Variants in LANCL1 observed in about 807,000 individuals in gnomAD.
The protein encoded by LANCL1 is glutathione S-transferase LANCL1.
Under a neutral mutation model 50.6 loss-of-function variants are expected in LANCL1, and 50 were observed. That is an observed-to-expected ratio of 0.99 (90% CI 0.79 to 1.25). The LOEUF (loss-of-function observed/expected upper bound fraction) is 1.25. Ranked by LOEUF, LANCL1 falls within the 50% of genes most tolerant of loss-of-function variation. The probability of loss-of-function intolerance (pLI) is 0.00; values close to 1 mark genes in which losing one functional copy is unlikely to be tolerated. For synonymous variants in LANCL1, 188 were observed against 178.6 expected (o/e 1.05, Z -0.42); for missense variants, 532 against 480.7 (o/e 1.11, Z -1.00).
intron 4 of LANCL1, among the ~76,000 whole-genome samples, chr2:210,444,983 C>T (rs1445224146): frequency 6.6e-6 from 1 of 151,584 alleles, no homozygotes; most frequent in Non-Finnish European, 1.5e-5. Flanking sequence ...AACGTTGGGG[C>T]CATAAGAAAA....
Position 210,431,987 on chromosome 2 carries a change from C to A in LANCL1, c.*2500G>T, listed in dbSNP as rs978241093. On this transcript the variant is annotated 3_prime_UTR_variant, in exon 10 of 10. Coordinates refer to ENST00000450366, the MANE Select transcript of LANCL1 (RefSeq NM_006055.3). ...CTTTGAAGGTTTTATTACCTAGTCCCTGTATAGAGATAAGAGATGATGGTA... is the reference window on the plus strand; with the variant it reads ...CTTTGAAGGTTTTATTACCTAGTCCATGTATAGAGATAAGAGATGATGGTA... 1 of 152,110 alleles carries A rather than the reference C, an allele frequency of 6.6e-6. No individual in the cohort carries two copies. Among genetic ancestry groups the A allele is most frequent in the African/African-American group, 2.4e-5 (1 of 41,416 alleles). 9.4% of individuals were successfully genotyped at this position (152,110 alleles called of 1,614,324 possible). A position where few individuals can be genotyped will look rare whatever the true frequency, so the allele number is the denominator to read the frequency against.
In LANCL1 at chr2:210,449,704, T is replaced by C. The variant is rs1009579010; in HGVS notation, c.407+5403A>G. On this transcript the variant is annotated intron_variant, in intron 4 of 9. Transcript: ENST00000450366. ...CACAAGCATTCCTATACGCTAATAA[T>C]AGACAAAGAGCCAAATCATGGGTGA... Among the ~76,000 whole-genome samples the C allele has an allele frequency of 3.9e-5, 6 of 152,100 alleles. 1 individual carries two copies. The highest frequency in any genetic ancestry group is 3.3e-4 in the Admixed American group (5 of 15,278).
chr2:210,434,864 C>G (rs1692868967), intron 9 of LANCL1, among the ~76,000 whole-genome samples: 1 of 151,912 alleles, frequency 6.6e-6, no homozygotes, highest in African/African-American at 2.4e-5. Context: ...AAGGATGGCT[C>G]CATTTTTTAA....
At chr2:210,471,042 A>ATT (rs35572251) in intron 3 of LANCL1, among the ~76,000 whole-genome samples, 751 of 96,250 alleles carry the variant, frequency 7.8e-3, no homozygotes, top group Middle Eastern at 0.013. Flanking sequence ...TTCTTCTTTG[A>ATT]TTTTTTTTTT....
chr2:210,438,771 A>G (rs192253953), intron 6 of LANCL1, among the ~76,000 whole-genome samples: 125 of 152,316 alleles, frequency 8.2e-4, no homozygotes, highest in Admixed American at 2.4e-3. Context: ...TGACATAACA[A>G]CGTACAGATC....
chr2:210,452,913 G>A (rs956693247), intron 4 of LANCL1, among the ~76,000 whole-genome samples: 19 of 151,904 alleles, frequency 1.3e-4, no homozygotes, highest in African/African-American at 4.4e-4. Context: ...TGAGAAAAAA[G>A]GTTTAGTAAA....
At chr2:210,446,690 A>C (rs541195894) in intron 4 of LANCL1, among the ~76,000 whole-genome samples, 1 of 152,058 alleles carries the variant, frequency 6.6e-6, no homozygotes, top group South Asian at 2.1e-4. Flanking sequence ...AAAACACAGC[A>C]TGAGAGCTTT....
intron 3 of LANCL1, among the ~76,000 whole-genome samples, chr2:210,457,790 T>G (rs1167380358): frequency 6.6e-6 from 1 of 152,180 alleles, no homozygotes; most frequent in Non-Finnish European, 1.5e-5. Flanking sequence ...TGTCAGATAT[T>G]TCTGACTCAT....
Position 210,432,608 on chromosome 2 carries a change from T to C in LANCL1, c.*1879A>G, listed in dbSNP as rs912616367. The stretch of plus-strand genomic sequence containing the variant: ...AGTCTTCTCTGGCTCAGAGAAACTG[T>C]TATTTTTCCCTTGCTTAGTAACGCA... On this transcript the variant is annotated 3_prime_UTR_variant, in exon 10 of 10. Coordinates refer to ENST00000450366, the MANE Select transcript of LANCL1 (RefSeq NM_006055.3). The C allele has an allele frequency of 6.6e-6, 1 of 152,198 alleles. No homozygotes were observed. The highest frequency in any genetic ancestry group is 6.5e-5 in the Admixed American group (1 of 15,272). The allele number at this position is 152,198 out of a possible 1,614,324, so 9.4% of individuals were successfully genotyped here. A position where few individuals can be genotyped will look rare whatever the true frequency, so the allele number is the denominator to read the frequency against.
chr2:210,465,155 C>T (rs1694009351), intron 3 of LANCL1, among the ~76,000 whole-genome samples: 1 of 152,236 alleles, frequency 6.6e-6, no homozygotes, highest in Admixed American at 6.5e-5. Context: ...TGTTGCTCCA[C>T]TTAAAATAAC....
rs187718158 is a variant in LANCL1, at chr2:210,447,993, G to C, written c.408-6550C>G. The stretch of plus-strand genomic sequence containing the variant: ...TATTCACGACTTAAACTCAGCTCTG[G>C]ACCAAGCAGACCTAATAGACATCTA... On this transcript the variant is annotated intron_variant, in intron 4 of 9. Transcript: ENST00000450366. Among the ~76,000 whole-genome samples the C allele has an allele frequency of 8.5e-5, 13 of 152,166 alleles. No homozygotes were observed. The East Asian group carries it at 2.3e-3, about 27-fold the overall frequency.
At chr2:210,470,158 T>G (rs950355395) in intron 3 of LANCL1, among the ~76,000 whole-genome samples, 2 of 152,180 alleles carry the variant, frequency 1.3e-5, no homozygotes, top group African/African-American at 4.8e-5. Context: ...ATGTTCAACA[T>G]TCACTGATGA....
chr2:210,472,402 TA>T (rs1694251707), intron 2 of LANCL1, among the ~76,000 whole-genome samples: 1 of 152,232 alleles, frequency 6.6e-6, no homozygotes, highest in African/African-American at 2.4e-5. Context: ...GTCTTTTTAT[TA>T]AATTAAGCAC....
intron 4 of LANCL1, among the ~76,000 whole-genome samples, chr2:210,450,523 A>G (rs1442132828): frequency 6.6e-6 from 1 of 152,260 alleles, no homozygotes; most frequent in Admixed American, 6.5e-5. Flanking sequence ...GAGCTTCTGA[A>G]TATCAGAAGA....
At chr2:210,468,552 G>C (rs1462081354) in intron 3 of LANCL1, 4 of 152,244 alleles carry the variant, frequency 2.6e-5, no homozygotes, top group Non-Finnish European at 5.9e-5. Flanking sequence ...GCTAACAAGA[G>C]TGACTACGTG....
chr2:210,444,139 G>A (rs531747847), intron 4 of LANCL1, among the ~76,000 whole-genome samples: 37 of 152,296 alleles, frequency 2.4e-4, no homozygotes, highest in African/African-American at 8.2e-4. Context: ...TAGGGGTAGA[G>A]CTGAGGGGGT....
At chr2:210,466,564 C>T (rs7600898) in intron 3 of LANCL1, among the ~76,000 whole-genome samples, 2,518 of 152,250 alleles carry the variant, frequency 0.017, 56 homozygotes, top group Middle Eastern at 0.054. Context: ...GGTATGTAAG[C>T]CCTGGGTCTC....
intron 3 of LANCL1, among the ~76,000 whole-genome samples, chr2:210,471,003 T>C (rs900167800): frequency 1.3e-5 from 2 of 151,854 alleles, no homozygotes; most frequent in Non-Finnish European, 2.9e-5. Flanking sequence ...TTCTCTACAT[T>C]TGGTAAATTA....
Position 210,476,717 on chromosome 2 carries a change from C to G in LANCL1, c.-114G>C, listed in dbSNP as rs1320474030. 1.1e-5 allele frequency: 13 copies of G among 1,138,558 alleles called. No homozygotes were observed. The highest frequency in any genetic ancestry group is 1.4e-5 in the Non-Finnish European group (13 of 924,834). 70.5% of individuals were successfully genotyped at this position (1,138,558 alleles called of 1,614,324 possible). On this transcript the variant is annotated 5_prime_UTR_variant, in exon 1 of 10. Transcript: ENST00000450366. ...CTGAAGCCCTTCTCGGCCCTGGCCT[C>G]TCACCCCGCAGCCCCGGACAGTAAC...
Sources: gnomAD v4.1 joint callset for allele counts (sites outside exome capture counted in the v4.1 genomes callset) on GRCh38, gnomAD v4.1.1 for gene constraint, MANE v1.5 for transcripts, NCBI Gene and HGNC (gene_info 2026-07-23, HGNC 2026-07-21) for gene names.